RTN4: variants seen among roughly 807,000 people sequenced by gnomAD.
RTN4 encodes reticulon 4, also known as reticulon-4.
RTN4 carries 32 observed loss-of-function variants against 90.4 expected under a neutral mutation model. The ratio of observed to expected loss-of-function variants is 0.35; its 90% CI spans 0.27 to 0.48. The LOEUF (loss-of-function observed/expected upper bound fraction) is 0.48, where lower values mean the gene tolerates loss of function less well. Ranked by LOEUF, RTN4 falls within the 20% of genes least tolerant of loss-of-function variation. The pLI is 0.99. For missense variants in RTN4, 1,706 were observed against 1,430.2 expected, an observed-to-expected ratio of 1.19 and a Z score of -3.11; for synonymous variants, 629 against 552.5, an observed-to-expected ratio of 1.14 and a Z score of -1.94.
chr2:54,975,306 T>A (rs1055460451), intron 5 of RTN4, among the ~76,000 whole-genome samples: 2 of 152,252 alleles, frequency 1.3e-5, no homozygotes, highest in African/African-American at 4.8e-5. Flanking sequence ...TTGTTAAACA[T>A]TGGTCATCAT....
intron 1 of RTN4, among the ~76,000 whole-genome samples, chr2:55,047,641 G>C (rs1667834040): frequency 6.6e-6 from 1 of 152,068 alleles, no homozygotes; most frequent in Non-Finnish European, 1.5e-5. Context: ...ACAAGGCTAT[G>C]AAGATTTCCA....
In RTN4 at chr2:55,026,277, AAGG is replaced by A; in HGVS notation, c.1819_1821del (p.Pro607del). The A allele has an allele frequency of 1.9e-6, 3 of 1,613,974 alleles. No homozygotes were observed. Among genetic ancestry groups the A allele is most frequent in the Non-Finnish European group, 2.5e-6 (3 of 1,179,922 alleles). ...ATAACAATGTCAGGCAAAACTGGTG[AAGG>A]AGTAGCTTCTGACTCTTCAAATGAT... On this transcript the variant is annotated inframe_deletion, in exon 3 of 9. Coordinates refer to ENST00000337526, the MANE Select transcript of RTN4 (RefSeq NM_020532.5).
rs111603323 is a variant in RTN4 at position 55,004,427 on chromosome 2, G to A, written c.3014-16729C>T. ...GGCCTGACAAATATTTAAATCTCTC[G>A]TTTTCTTGGTTTCCTTGTCAGTAAA... On this transcript the variant is annotated intron_variant, in intron 3 of 8. Coordinates refer to ENST00000337526, the MANE Select transcript of RTN4 (RefSeq NM_020532.5). Among the ~76,000 whole-genome samples, 727 of 152,102 alleles carry A rather than the reference G, an allele frequency of 4.8e-3. 3 individuals are homozygous for A. Among genetic ancestry groups the A allele is most frequent in the African/African-American group, 0.016 (674 of 41,494 alleles).
intron 8 of RTN4, 169 bp from the exon 9 acceptor site, chr2:54,973,367 A>C (rs774723952): frequency 3.8e-5 from 29 of 757,166 alleles, no homozygotes; most frequent in Non-Finnish European, 6.0e-5. Context: ...ATTAGATTTA[A>C]ACAAAGCCTT....
chr2:54,973,799 C>A, intron 7 of RTN4, 22 bp downstream of exon 7: 2 of 1,604,274 alleles, frequency 1.2e-6, no homozygotes, highest in South Asian at 2.2e-5. Context: ...ATTCTGAAGT[C>A]AGCAGTTAGT....
At chr2:55,104,380 T>C (rs1667905711) in intron 1 of RTN4, among the ~76,000 whole-genome samples, 1 of 150,398 alleles carries the variant, frequency 6.6e-6, no homozygotes, top group South Asian at 2.1e-4. Context: ...TTGAGACAAG[T>C]CTTGCTCTGT....
the RTN4 span, among the ~76,000 whole-genome samples, chr2:55,118,070 T>C: frequency 1.3e-5 from 2 of 152,204 alleles, no homozygotes; most frequent in Non-Finnish European, 2.9e-5. Context: ...ACCCCACCCC[T>C]GAGAAGACTG....
chr2:55,020,010 C>G (rs139913097), intron 3 of RTN4, among the ~76,000 whole-genome samples: 1 of 151,820 alleles, frequency 6.6e-6, no homozygotes, highest in Non-Finnish European at 1.5e-5. Context: ...AAGACTTCTA[C>G]GAGGAAATCT....
At chr2:55,013,742 A>C (rs1294991215) in intron 3 of RTN4, among the ~76,000 whole-genome samples, 1 of 152,168 alleles carries the variant, frequency 6.6e-6, no homozygotes, top group Non-Finnish European at 1.5e-5. Flanking sequence ...TCTTATTCTA[A>C]GACATTCTTC....
At chr2:54,995,928 A>G (rs1335288313) in intron 3 of RTN4, among the ~76,000 whole-genome samples, 1 of 152,204 alleles carries the variant, frequency 6.6e-6, no homozygotes, top group Non-Finnish European at 1.5e-5. Flanking sequence ...AACACTGAAC[A>G]AAACAATGAT....
At chr2:55,098,307 T>C (rs1667788256) in intron 1 of RTN4, among the ~76,000 whole-genome samples, 1 of 152,162 alleles carries the variant, frequency 6.6e-6, no homozygotes, top group Admixed American at 6.6e-5. Flanking sequence ...AAAAATATCT[T>C]TCTTTGATCA....
At chr2:55,057,739 C>T (rs1668215058) in intron 2 of RTN4, among the ~76,000 whole-genome samples, 1 of 152,110 alleles carries the variant, frequency 6.6e-6, no homozygotes, top group Non-Finnish European at 1.5e-5. Context: ...AATCCCAGCA[C>T]CTAGGGAGGC....
At position 54,984,611 on chromosome 2, in the gene RTN4, C is replaced by T. The variant is rs1472069305; in HGVS notation, c.3222-1958G>A. Reference sequence around the variant, plus strand: ...CAATGACATCCTGTAGATATTTACACTAATTCAACTGACATTTATGTGATA... The same window carrying T: ...CAATGACATCCTGTAGATATTTACATTAATTCAACTGACATTTATGTGATA... On this transcript the variant is annotated intron_variant, in intron 4 of 8. Coordinates refer to ENST00000337526, the MANE Select transcript of RTN4 (RefSeq NM_020532.5). Among the ~76,000 whole-genome samples the T allele has an allele frequency of 2.6e-5, 4 of 152,186 alleles. No individual in the cohort carries two copies. In the East Asian group the frequency reaches 5.8e-4, roughly 22 times the overall value.
At chr2:55,076,701 A>C (rs1190836445) in intron 2 of RTN4, among the ~76,000 whole-genome samples, 3 of 151,496 alleles carry the variant, frequency 2.0e-5, no homozygotes, top group Admixed American at 2.0e-4. Context: ...GTCCCACCCA[A>C]ATTTCATCTT....
Position 55,055,948 on chromosome 2 carries a change from T to G in RTN4, c.-63+24541A>C, listed in dbSNP as rs1338305643. Reference sequence around the variant, plus strand: ...ATACATGTATATACATATATGTAGATGATATAGATTTATGTATCTATATAT... The same window carrying G: ...ATACATGTATATACATATATGTAGAGGATATAGATTTATGTATCTATATAT... On this transcript the variant is annotated intron_variant, in intron 2 of 3. Coordinates refer to the RTN4 transcript ENST00000427710. Among the ~76,000 whole-genome samples the G allele has an allele frequency of 2.0e-5, 3 of 150,600 alleles. No homozygotes were observed. The East Asian group carries it at 5.8e-4, about 29-fold the overall frequency.
At chr2:55,054,622 G>T (rs752147055), upstream of RTN4, among the ~76,000 whole-genome samples, 1 of 152,156 alleles carries the variant, frequency 6.6e-6, no homozygotes, top group Admixed American at 6.5e-5. Context: ...ACATATAGCA[G>T]GACGTGAACA....
intron 2 of RTN4, 98 bp from the exon 3 acceptor site, chr2:55,027,583 AC>A (rs1445577137): frequency 2.0e-5 from 25 of 1,238,076 alleles, no homozygotes; most frequent in Middle Eastern, 2.7e-4. Context: ...GTAAAGACTT[AC>A]TGTTTACTAA....
intron 2 of RTN4, among the ~76,000 whole-genome samples, chr2:55,058,484 C>T (rs1359464162): frequency 2.0e-5 from 3 of 152,194 alleles, no homozygotes; most frequent in Non-Finnish European, 4.4e-5. Flanking sequence ...ATGCCAGCTA[C>T]CAGCCACTTT....
At chr2:55,080,285 TG>T (rs1210403307) in intron 2 of RTN4, among the ~76,000 whole-genome samples, 1 of 152,142 alleles carries the variant, frequency 6.6e-6, no homozygotes, top group Non-Finnish European at 1.5e-5. Context: ...TCCAAAGTAC[TG>T]GGATTACAGG....
Sources: allele counts gnomAD v4.1 joint callset (sites outside exome capture counted in the v4.1 genomes callset), GRCh38; gene constraint gnomAD v4.1.1; transcripts MANE v1.5; gene names NCBI Gene and HGNC (gene_info 2026-07-23, HGNC 2026-07-21).